CACNA1C: variants seen among roughly 807,000 people sequenced by gnomAD.
CACNA1C encodes the protein voltage-dependent L-type calcium channel subunit alpha-1C.
A neutral mutation model predicts 229.0 loss-of-function variants in CACNA1C; 30 were observed. That is an observed-to-expected ratio of 0.13 (90% confidence interval 0.10 to 0.18). The LOEUF is 0.18. CACNA1C is among the 10% of genes least tolerant of loss of function. CACNA1C has a pLI of 1.00. For missense variants in CACNA1C, 1,658 were observed against 2,845.0 expected, an observed-to-expected ratio of 0.58 and a Z score of 9.49; for synonymous variants, 1,114 against 1,132.5, an observed-to-expected ratio of 0.98 and a Z score of 0.33.
intron 1 of CACNA1C, among the ~76,000 whole-genome samples, chr12:2,009,597 G>T (rs1190778947): frequency 6.6e-6 from 1 of 152,326 alleles, no homozygotes; most frequent in Admixed American, 6.5e-5. Flanking sequence ...GTGATTCTGA[G>T]ATGACTTAGC....
chr12:2,347,372 G>A (rs776953194), intron 3 of CACNA1C, among the ~76,000 whole-genome samples: 2 of 152,230 alleles, frequency 1.3e-5, no homozygotes, highest in Non-Finnish European at 2.9e-5. Context: ...TACATCCACA[G>A]CATCACAGTT....
chr12:2,557,073 A>C, intron 11 of CACNA1C, 96 bp downstream of exon 11: 1 of 941,420 alleles, frequency 1.1e-6, no homozygotes, highest in Non-Finnish European at 1.7e-6. Context: ...ACAAGTTGCC[A>C]GTAGTGTAAG....
At chr12:2,324,001 G>A (rs35884722) in intron 3 of CACNA1C, among the ~76,000 whole-genome samples, 103 of 152,314 alleles carry the variant, frequency 6.8e-4, no homozygotes, top group South Asian at 1.5e-3. Context: ...CGCAGGAGCC[G>A]GGTCTGTTTA....
chr12:2,443,046 C>G (rs1371600844), intron 3 of CACNA1C, among the ~76,000 whole-genome samples: 1 of 152,172 alleles, frequency 6.6e-6, no homozygotes, highest in Non-Finnish European at 1.5e-5. Flanking sequence ...CATCCCTTCT[C>G]CATGGTCCCC....
intron 3 of CACNA1C, among the ~76,000 whole-genome samples, chr12:2,264,306 G>A (rs2081468077): frequency 6.6e-6 from 1 of 152,224 alleles, no homozygotes; most frequent in Non-Finnish European, 1.5e-5. Context: ...TGGCTCTGTT[G>A]TTCCCTTGGG....
At chr12:2,036,265 G>C (rs1369708305) in intron 1 of CACNA1C, among the ~76,000 whole-genome samples, 1 of 152,208 alleles carries the variant, frequency 6.6e-6, no homozygotes, top group Non-Finnish European at 1.5e-5. Context: ...TGGGCCGTGG[G>C]AAGGAATGAG....
intron 29 of CACNA1C, among the ~76,000 whole-genome samples, chr12:2,615,555 C>G (rs1344459763): frequency 1.3e-5 from 2 of 152,026 alleles, no homozygotes; most frequent in Non-Finnish European, 2.9e-5. Context: ...TTAAAACTCC[C>G]AATTGCACTT....
intron 3 of CACNA1C, among the ~76,000 whole-genome samples, chr12:2,310,170 G>A (rs1592357183): frequency 1.3e-5 from 2 of 152,034 alleles, no homozygotes; most frequent in African/African-American, 4.8e-5. Flanking sequence ...CATCAGATAA[G>A]TAGTATTATT....
At chr12:2,035,972 C>G (rs367678446) in intron 1 of CACNA1C, among the ~76,000 whole-genome samples, 3 of 152,130 alleles carry the variant, frequency 2.0e-5, no homozygotes, top group African/African-American at 7.2e-5. Context: ...GGAGAGGATT[C>G]TGGTGCTAAT....
intron 9 of CACNA1C, among the ~76,000 whole-genome samples, chr12:2,546,944 A>T (rs1264047201): frequency 2.0e-5 from 3 of 152,208 alleles, no homozygotes; most frequent in Admixed American, 1.3e-4. Context: ...ATAGCAAGGA[A>T]GCCCTTGAAT....
At chr12:2,363,912 G>A (rs2097649296) in intron 3 of CACNA1C, among the ~76,000 whole-genome samples, 2 of 152,218 alleles carry the variant, frequency 1.3e-5, no homozygotes, top group African/African-American at 4.8e-5. Context: ...AACAACAGTA[G>A]CAGGTGTGGT....
In CACNA1C at chr12:2,033,836, C is replaced by G. The variant is rs529651526; in HGVS notation, c.139+62635C>G. On this transcript the variant is annotated intron_variant, in intron 1 of 46. Transcript: ENST00000682462. ...GCACCGTGAATAGATGTCTAGCATT[C>G]CAAATAGAGGTGGTGAGAGTTTGCC... Among the ~76,000 whole-genome samples, 8 of 152,306 alleles carry G rather than the reference C, an allele frequency of 5.3e-5. No homozygotes were observed. In the East Asian group the frequency reaches 1.5e-3, roughly 29 times the overall value.
chr12:2,438,355 G>A (rs2099173219), intron 3 of CACNA1C, among the ~76,000 whole-genome samples: 1 of 147,924 alleles, frequency 6.8e-6, no homozygotes, highest in Non-Finnish European at 1.5e-5. Flanking sequence ...TGATGGTGGT[G>A]GTAATGATGG....
intron 3 of CACNA1C, among the ~76,000 whole-genome samples, chr12:2,419,066 C>G (rs567885271): frequency 6.6e-6 from 1 of 152,200 alleles, no homozygotes; most frequent in Non-Finnish European, 1.5e-5. Flanking sequence ...AAAACTGAGG[C>G]CCTCCGGGGC....
intron 3 of CACNA1C, among the ~76,000 whole-genome samples, chr12:2,431,941 C>G (rs1267893452): frequency 2.0e-5 from 3 of 152,158 alleles, no homozygotes; most frequent in Non-Finnish European, 4.4e-5. Context: ...AGAACCAACT[C>G]AAGGCTCAGC....
chr12:2,394,480 A>T (rs1242444590), intron 3 of CACNA1C, among the ~76,000 whole-genome samples: 1 of 152,230 alleles, frequency 6.6e-6, no homozygotes, highest in Non-Finnish European at 1.5e-5. Context: ...TTACTTAATT[A>T]TAAAATCCCC....
Position 2,421,622 on chromosome 12 carries a change from C to T in CACNA1C, c.478-27354C>T, listed in dbSNP as rs769745483. ...TCTTCTCTTGGGTCTGTAAGAGTAT[C>T]GCAATTCTGGCCGGACACAGTGGCT... is the stretch of plus-strand genomic sequence containing the variant. On this transcript the variant is annotated intron_variant, in intron 3 of 46. Transcript: ENST00000399655. 7.2e-5 allele frequency among the ~76,000 whole-genome samples: 11 copies of T among 152,138 alleles called. No homozygotes were observed. The South Asian group carries it at 1.2e-3, about 17-fold the overall frequency.
rs114270409 is a variant in CACNA1C at position 2,516,227 on chromosome 12, A to G, written c.1390+3243A>G. Among the ~76,000 whole-genome samples, 1,382 of 152,198 alleles carry G rather than the reference A, an allele frequency of 9.1e-3. 26 individuals are homozygous for G. Among genetic ancestry groups the G allele is most frequent in the African/African-American group, 0.031 (1,300 of 41,524 alleles). On this transcript the variant is annotated intron_variant, in intron 9 of 46. Transcript: ENST00000399655. Reference sequence around the variant, plus strand: ...AGGCTAGCGAGAAGGGGCCAATGAGAAGGGGCCACGCTGATGAATCCGGAG... The same window carrying G: ...AGGCTAGCGAGAAGGGGCCAATGAGGAGGGGCCACGCTGATGAATCCGGAG...
At chr12:2,586,727 C>G (rs2062599251) in intron 18 of CACNA1C, among the ~76,000 whole-genome samples, 1 of 152,226 alleles carries the variant, frequency 6.6e-6, no homozygotes. Flanking sequence ...AGCTCGGTTT[C>G]CCTTTTTGCT....
Sources: gnomAD v4.1 joint callset for allele counts (sites outside exome capture counted in the v4.1 genomes callset) on GRCh38, gnomAD v4.1.1 for gene constraint, MANE v1.5 for transcripts, NCBI Gene and HGNC (gene_info 2026-07-23, HGNC 2026-07-21) for gene names.